The following SLC39A11 variants were observed in gnomAD, a reference collection of about 807,000 sequenced individuals.
SLC39A11 encodes the protein zinc transporter ZIP11.
Under a neutral mutation model 36.1 loss-of-function variants are expected in SLC39A11, and 33 were observed. That is an observed-to-expected ratio of 0.91 (90% CI 0.69 to 1.22). The LOEUF is 1.22. SLC39A11 is among the 50% of genes most tolerant of loss of function. The pLI is 0.00. For synonymous variants in SLC39A11, 166 were observed against 170.3 expected, an observed-to-expected ratio of 0.97 and a Z score of 0.20; for missense variants, 432 against 430.3, an observed-to-expected ratio of 1.00 and a Z score of -0.03.
intron 6 of SLC39A11, among the ~76,000 whole-genome samples, chr17:72,809,687 C>A (rs373739917): frequency 2.6e-5 from 4 of 152,278 alleles, no homozygotes; most frequent in African/African-American, 9.6e-5. Context: ...TAGGAAGCAG[C>A]AGAAATGCAT....
chr17:72,648,866 G>A lies in SLC39A11; in HGVS notation c.866C>T (p.Ala289Val), dbSNP rs2069709019. 6.2e-7 allele frequency: 1 copy of A among 1,614,014 alleles called. No individual in the cohort carries two copies. The highest frequency in any genetic ancestry group is 1.7e-5 in the Admixed American group (1 of 60,008). ...LAEPILPYAL[A>V]FAAGAMVYVV... ...GTAGACCATGGCACCGGCAGCAAAG[G>A]CCAGAGCGTAGGGCAGGATGGGCTC... The change falls in exon 9 of 10, where the codon GCC becomes GTC. Residue 289 changes from alanine to valine, a missense_variant. Coordinates refer to ENST00000255559, the MANE Select transcript of SLC39A11 (RefSeq NM_139177.4).
intron 7 of SLC39A11, among the ~76,000 whole-genome samples, chr17:72,670,774 A>G (rs1376619917): frequency 6.6e-6 from 1 of 152,170 alleles, no homozygotes; most frequent in South Asian, 2.1e-4. Flanking sequence ...TTTTGGAAAG[A>G]TGTACTTACC....
At chr17:72,745,049 C>T (rs952796125) in intron 6 of SLC39A11, among the ~76,000 whole-genome samples, 1 of 129,404 alleles carries the variant, frequency 7.7e-6, no homozygotes, top group South Asian at 2.5e-4. Context: ...ACCATGTTGG[C>T]CAGGCTGGTC....
At position 72,743,214 on chromosome 17, in the gene SLC39A11, G is replaced by A. The variant is rs190369635; in HGVS notation, c.602-6495C>T. On this transcript the variant is annotated intron_variant, in intron 6 of 9. Coordinates refer to ENST00000255559, the MANE Select transcript of SLC39A11 (RefSeq NM_139177.4). The stretch of plus-strand genomic sequence containing the variant: ...CAGCTGGGGGGGCTAGAGCTGGGCC[G>A]TAAACCGCAGTCTCTCATTGTTTCC... Among the ~76,000 whole-genome samples the A allele has an allele frequency of 2.6e-5, 4 of 151,724 alleles. No homozygotes were observed. In the East Asian group the frequency reaches 7.7e-4, roughly 29 times the overall value.
intron 7 of SLC39A11, among the ~76,000 whole-genome samples, chr17:72,720,546 A>G: frequency 6.6e-6 from 1 of 152,068 alleles, no homozygotes; most frequent in Non-Finnish European, 1.5e-5. Context: ...CTTGTCCTGG[A>G]CCTGAGTGGA....
chr17:72,659,681 CA>C (rs1337830449), intron 7 of SLC39A11, among the ~76,000 whole-genome samples: 12 of 142,862 alleles, frequency 8.4e-5, no homozygotes, highest in African/African-American at 3.1e-4. Flanking sequence ...CTCCCGGGTT[CA>C]AGCAATTCTC....
chr17:72,838,676 G>GC (rs1359433695), intron 6 of SLC39A11, among the ~76,000 whole-genome samples: 1 of 152,218 alleles, frequency 6.6e-6, no homozygotes, highest in African/African-American at 2.4e-5. Context: ...ATGAGAAAAT[G>GC]CCACACAATA....
At chr17:72,895,727 TTC>T (rs1355040760) in intron 5 of SLC39A11, among the ~76,000 whole-genome samples, 5 of 152,240 alleles carry the variant, frequency 3.3e-5, no homozygotes, top group African/African-American at 1.2e-4. Flanking sequence ...TTCTCTATTT[TTC>T]TCTTTTTCAA....
chr17:73,054,404 A>C (rs938989691), intron 3 of SLC39A11, among the ~76,000 whole-genome samples: 1 of 151,920 alleles, frequency 6.6e-6, no homozygotes, highest in African/African-American at 2.4e-5. Flanking sequence ...TGCACACGCC[A>C]CATTTATTCA....
At chr17:73,087,538 G>A (rs2060774077) in intron 2 of SLC39A11, among the ~76,000 whole-genome samples, 1 of 152,190 alleles carries the variant, frequency 6.6e-6, no homozygotes. Flanking sequence ...GCTGCGGACT[G>A]AGGGTGATCT....
rs2069565184 is a variant in SLC39A11, at chr17:72,646,451, C to T, written c.*1133G>A. The T allele has an allele frequency of 6.6e-6, 1 of 152,186 alleles. No homozygotes were observed. Among genetic ancestry groups the T allele is most frequent in the Admixed American group, 6.5e-5 (1 of 15,278 alleles). The allele number at this position is 152,186 out of a possible 1,614,324, so 9.4% of individuals were successfully genotyped here. A position where few individuals can be genotyped will look rare whatever the true frequency, so the allele number is the denominator to read the frequency against. On this transcript the variant is annotated 3_prime_UTR_variant, in exon 10 of 10. Transcript: ENST00000255559. ...GGCTTCTGGTCTAGTTCGACTCATT[C>T]TTTATAGGGACATTTCAGAATGATG...
At chr17:72,681,172 C>A (rs111977604) in intron 7 of SLC39A11, among the ~76,000 whole-genome samples, 2 of 152,156 alleles carry the variant, frequency 1.3e-5, no homozygotes, top group East Asian at 1.9e-4. Context: ...GGTGACCCGC[C>A]CACCTCGGCC....
intron 6 of SLC39A11, among the ~76,000 whole-genome samples, chr17:72,821,291 T>C (rs1419674507): frequency 6.7e-6 from 1 of 149,584 alleles, no homozygotes; most frequent in Non-Finnish European, 1.5e-5. Flanking sequence ...TCACCTGAGG[T>C]CGGAAATTGG....
intron 4 of SLC39A11, among the ~76,000 whole-genome samples, chr17:72,983,212 C>T (rs181640913): frequency 1.3e-5 from 2 of 151,898 alleles, no homozygotes; most frequent in Non-Finnish European, 2.9e-5. Context: ...TGCAGTGCCG[C>T]GATCTCAGCT....
At chr17:72,647,732 T>A (rs2069623720) in intron 9 of SLC39A11, 70 bp from the exon 10 acceptor site, 2 of 1,194,198 alleles carry the variant, frequency 1.7e-6, no homozygotes, top group East Asian at 4.9e-5. Context: ...GCTGAAGGCA[T>A]CCTCTGCAAT....
In SLC39A11 at chr17:72,679,552, C is replaced by T. The variant is rs191815419; in HGVS notation, c.672-30284G>A. Among the ~76,000 whole-genome samples, 228 of 152,292 alleles carry T rather than the reference C, an allele frequency of 1.5e-3. 1 individual carries two copies. Among genetic ancestry groups the T allele is most frequent in the African/African-American group, 5.0e-3 (209 of 41,564 alleles). On this transcript the variant is annotated intron_variant, in intron 7 of 9. Transcript: ENST00000255559. ...ATTGGAACTTGAATAGAGACAGCCG[C>T]GCCCACCTCGGGCTTCTTCAAGGGC...
intron 6 of SLC39A11, among the ~76,000 whole-genome samples, chr17:72,844,793 T>C (rs78017918): frequency 0.041 from 6,298 of 152,326 alleles, 431 homozygotes; most frequent in African/African-American, 0.14. Flanking sequence ...TATCTCCATT[T>C]GAATGTCTAA....
At chr17:72,806,021 G>T (rs1238217785) in intron 6 of SLC39A11, among the ~76,000 whole-genome samples, 1 of 152,034 alleles carries the variant, frequency 6.6e-6, no homozygotes, top group Non-Finnish European at 1.5e-5. Flanking sequence ...TAAAATTACT[G>T]GGATTACACG....
At chr17:72,784,170 C>A (rs1416257724) in intron 6 of SLC39A11, among the ~76,000 whole-genome samples, 1 of 152,082 alleles carries the variant, frequency 6.6e-6, no homozygotes, top group Non-Finnish European at 1.5e-5. Context: ...CACGGTGAAA[C>A]CCTGTCTCTA....
Sources: gnomAD v4.1 joint callset for allele counts (sites outside exome capture counted in the v4.1 genomes callset) on GRCh38, gnomAD v4.1.1 for gene constraint, MANE v1.5 for transcripts, NCBI Gene and HGNC (gene_info 2026-07-23, HGNC 2026-07-21) for gene names.